The following PTPN5 variants were observed in gnomAD, a reference collection of about 807,000 sequenced individuals.
The protein encoded by PTPN5 is protein tyrosine phosphatase non-receptor type 5, also known as tyrosine-protein phosphatase non-receptor type 5.
Under a neutral mutation model 73.9 loss-of-function variants are expected in PTPN5, and 29 were observed. That is an observed-to-expected ratio of 0.39 (90% CI 0.29 to 0.54). PTPN5 has a LOEUF of 0.54. Ranked by LOEUF, PTPN5 falls within the 20% of genes least tolerant of loss-of-function variation. The pLI is 0.65. For synonymous variants in PTPN5, 267 were observed against 304.7 expected (o/e 0.88, Z 1.29); for missense variants, 652 against 751.4 (o/e 0.87, Z 1.55).
chr11:18,738,018 A>C, intron 8 of PTPN5, 54 bp from the exon 9 acceptor site: 1 of 1,469,346 alleles, frequency 6.8e-7, no homozygotes, highest in Non-Finnish European at 9.5e-7. Context: ...CAGATGTTTG[A>C]ATCCAGGGGC....
chr11:18,752,278 A>T (rs1849924300), intron 3 of PTPN5, among the ~76,000 whole-genome samples: 1 of 152,212 alleles, frequency 6.6e-6, no homozygotes, highest in Non-Finnish European at 1.5e-5. Flanking sequence ...GGATGCTGTG[A>T]ATTAAAACAT....
chr11:18,756,930 A>ACC (rs1564910567), intron 3 of PTPN5, among the ~76,000 whole-genome samples: 1 of 148,920 alleles, frequency 6.7e-6, no homozygotes, highest in African/African-American at 2.5e-5. Context: ...TCAAAAAAAA[A>ACC]AAAAAACCAA....
At chr11:18,751,101 C>T (rs1392762560) in intron 3 of PTPN5, among the ~76,000 whole-genome samples, 1 of 152,206 alleles carries the variant, frequency 6.6e-6, no homozygotes, top group Admixed American at 6.5e-5. Context: ...CAATATCACA[C>T]CCTCAGCACT....
At position 18,733,254 on chromosome 11, in the gene PTPN5, T is replaced by A; in HGVS notation, c.1199A>T (p.Asn400Ile). ...EHTPIIVMITNIEEMNEKCTE... is the reference protein window; with the variant it reads ...EHTPIIVMITIIEEMNEKCTE... ...CCCTACCTCGTTCATCTCCTCGATG[T>A]TGGTGATCATGACAATGATGGGCGT... is the stretch of plus-strand genomic sequence containing the variant. Residue 400 changes from asparagine (N) to isoleucine (I), a missense_variant, in exon 11 of 15, where the codon AAC (asparagine) becomes ATC (isoleucine). Physicochemically the swap from Asn to Ile is moderately radical, Grantham distance 149. Coordinates refer to ENST00000358540, the MANE Select transcript of PTPN5 (RefSeq NM_006906.2). The surrounding 1 kb of genome is among the most constrained non-coding windows in gnomAD (Gnocchi z 4.3). The A allele has an allele frequency of 6.2e-7, 1 of 1,613,518 alleles. No individual in the cohort carries two copies. Among genetic ancestry groups the A allele is most frequent in the Non-Finnish European group, 8.5e-7 (1 of 1,179,514 alleles).
In PTPN5 at chr11:18,732,658, A is replaced by G. The variant is rs1383809052; in HGVS notation, c.1263T>C (p.Gly421=). The G allele has an allele frequency of 6.2e-7, 1 of 1,613,554 alleles. No individual in the cohort carries two copies. The highest frequency in any genetic ancestry group is 1.3e-5 in the African/African-American group (1 of 74,822). The change falls in exon 12 of 15, where the codon GGT becomes GGC. Residue 421 remains glycine, a synonymous_variant. Transcript: ENST00000358540. ...TGACTTTCTGCACAGTGATCTCAAC[A>G]CCGTCGTACGCCACCTGCTCCTCCG... ...YWPEEQVAYD[G]VEITVQKVIH...
In PTPN5 at chr11:18,786,017, A is replaced by C. The variant is rs116633428; in HGVS notation, c.-114+5508T>G. Reference sequence around the variant, plus strand: ...TAGAAACTTGAGTCACGCTTGCTTCAATGGGGACAAAGGAAGGAGGGTGGC... The same window carrying C: ...TAGAAACTTGAGTCACGCTTGCTTCCATGGGGACAAAGGAAGGAGGGTGGC... On this transcript the variant is annotated intron_variant, in intron 1 of 14. Transcript: ENST00000358540. 4.6e-3 allele frequency among the ~76,000 whole-genome samples: 702 copies of C among 152,292 alleles called. 3 individuals are homozygous for C. The highest frequency in any genetic ancestry group is 0.016 in the African/African-American group (662 of 41,566).
At chr11:18,751,433 C>A (rs947186471) in intron 3 of PTPN5, among the ~76,000 whole-genome samples, 1 of 152,210 alleles carries the variant, frequency 6.6e-6, no homozygotes, top group Non-Finnish European at 1.5e-5. Context: ...CAGCTTCTCC[C>A]AGCAAAGGCA....
chr11:18,783,943 T>C (rs1226256073), intron 1 of PTPN5, among the ~76,000 whole-genome samples: 1 of 152,232 alleles, frequency 6.6e-6, no homozygotes, highest in Non-Finnish European at 1.5e-5. Flanking sequence ...GACTCATTTG[T>C]ATTCTGTTCC....
intron 3 of PTPN5, among the ~76,000 whole-genome samples, chr11:18,764,168 T>C (rs1344841160): frequency 6.6e-6 from 1 of 152,240 alleles, no homozygotes; most frequent in Non-Finnish European, 1.5e-5. Context: ...GAATGCCTCC[T>C]GTGACGGAAC....
intron 1 of PTPN5, among the ~76,000 whole-genome samples, chr11:18,789,097 G>C (rs1443268963): frequency 6.6e-6 from 1 of 152,180 alleles, no homozygotes; most frequent in Non-Finnish European, 1.5e-5. Context: ...AGGACTTTGA[G>C]GCCTTAAGAA....
chr11:18,744,068 C>A lies in PTPN5; in HGVS notation c.229G>T (p.Ala77Ser), dbSNP rs147863942. The A allele has an allele frequency of 5.0e-6, 8 of 1,609,114 alleles. No homozygotes were observed. The highest frequency in any genetic ancestry group is 1.1e-5 in the South Asian group (1 of 90,248). The change falls in exon 4 of 15, where the codon GCT becomes TCT. Residue 77 changes from alanine to serine, a missense_variant. Physicochemically the swap from Ala to Ser is moderately conservative, Grantham distance 99. This residue lies in a region of PTPN5 where 529 missense variants were observed against 573.9 expected (regional missense o/e 0.92). Coordinates refer to ENST00000358540, the MANE Select transcript of PTPN5 (RefSeq NM_006906.2). ...CTGACAGTGAGGGAGTGGCTCCCAGCGCCTCGAGGTGGTGGCTTCTGAGCT... is the reference window on the plus strand; with the variant it reads ...CTGACAGTGAGGGAGTGGCTCCCAGAGCCTCGAGGTGGTGGCTTCTGAGCT... ...DPAQKPPPRG[A>S]GSHSLTVRSS... is the part of the protein sequence containing the mutation.
intron 3 of PTPN5, among the ~76,000 whole-genome samples, chr11:18,754,344 A>G (rs963672811): frequency 6.6e-6 from 1 of 152,082 alleles, no homozygotes; most frequent in Admixed American, 6.5e-5. Flanking sequence ...ACGGAGAAAG[A>G]CTCATGGACT....
chr11:18,734,538 T>A (rs1039405283), intron 9 of PTPN5, among the ~76,000 whole-genome samples: 3 of 152,232 alleles, frequency 2.0e-5, no homozygotes, highest in African/African-American at 7.2e-5. Flanking sequence ...TCTTGCTATG[T>A]TGACTAGGCT....
At chr11:18,740,366 T>TGTTA (rs1849308299) in intron 8 of PTPN5, 1 of 368,434 alleles carries the variant, frequency 2.7e-6, no homozygotes, top group African/African-American at 2.1e-5. Flanking sequence ...GCTCTGCACA[T>TGTTA]GTTATAAGTC....
chr11:18,771,124 T>C (rs994451681), intron 2 of PTPN5, among the ~76,000 whole-genome samples: 1 of 152,100 alleles, frequency 6.6e-6, no homozygotes, highest in African/African-American at 2.4e-5. Flanking sequence ...GATTCCTGGG[T>C]GTGAGGCTGA....
chr11:18,761,247 A>C (rs1282773307), intron 3 of PTPN5, among the ~76,000 whole-genome samples: 2 of 152,138 alleles, frequency 1.3e-5, no homozygotes, highest in African/African-American at 4.8e-5. Flanking sequence ...GCTGGCCCCC[A>C]CTGGCACCTA....
At chr11:18,756,836 A>G (rs1044707353) in intron 3 of PTPN5, among the ~76,000 whole-genome samples, 6 of 150,428 alleles carry the variant, frequency 4.0e-5, no homozygotes, top group Non-Finnish European at 7.4e-5. Flanking sequence ...AGGCAGGAGA[A>G]TTGCTTAAAC....
At chr11:18,771,133 G>A (rs1850876670) in intron 2 of PTPN5, among the ~76,000 whole-genome samples, 1 of 152,126 alleles carries the variant, frequency 6.6e-6, no homozygotes, top group Non-Finnish European at 1.5e-5. Flanking sequence ...GTGTGAGGCT[G>A]AGCCAAGCCC....
rs1391478774 is a variant in PTPN5 at position 18,733,834 on chromosome 11, G to A, written c.1001-199C>T. 1.3e-5 allele frequency among the ~76,000 whole-genome samples: 2 copies of A among 152,188 alleles called. No individual in the cohort carries two copies. Among genetic ancestry groups the A allele is most frequent in the East Asian group, 1.9e-4 (1 of 5,198 alleles). On this transcript the variant is annotated intron_variant, in intron 9 of 14. Transcript: ENST00000358540. This position sits in a 1 kb window ranked among gnomAD's most constrained non-coding sequence, Gnocchi z 4.3. ...CAGGATGAGGAGGAGGGTGGAGAGA[G>A]AGGGGGGTCCCCGGGTCTCTACCTC...
Sources: allele counts gnomAD v4.1 joint callset (sites outside exome capture counted in the v4.1 genomes callset), GRCh38; gene constraint gnomAD v4.1.1; regional missense constraint gnomAD v4.1.1; non-coding constraint Gnocchi (gnomAD v3.1); transcripts MANE v1.5; gene names NCBI Gene and HGNC (gene_info 2026-07-23, HGNC 2026-07-21).